Variants in MGST2 observed in about 807,000 individuals in gnomAD.
MGST2 encodes microsomal glutathione S-transferase 2, also known as glutathione peroxidase MGST2.
MGST2 carries 9 observed loss-of-function variants against 16.6 expected under a neutral mutation model. The ratio of observed to expected loss-of-function variants is 0.54; its 90% CI spans 0.33 to 0.95. MGST2 has a LOEUF of 0.95. Among genes scored for constraint, MGST2 ranks in the 40% least tolerant of loss-of-function variants. The pLI is 0.03. For synonymous variants in MGST2, 79 were observed against 68.0 expected (o/e 1.16, Z -0.79); for missense variants, 159 against 175.1 (o/e 0.91, Z 0.52).
chr4:139,727,221 C>A (rs1242449349), intron 5 of MGST2, among the ~76,000 whole-genome samples: 2 of 152,190 alleles, frequency 1.3e-5, no homozygotes, highest in Admixed American at 1.3e-4. Flanking sequence ...GACTCGTTGA[C>A]CCCATCCCAT....
At chr4:139,693,313 G>A (rs1372014720) in intron 2 of MGST2, among the ~76,000 whole-genome samples, 1 of 151,266 alleles carries the variant, frequency 6.6e-6, no homozygotes, top group Non-Finnish European at 1.5e-5. Context: ...GCTGGGGCAG[G>A]AGAATGGCGT....
chr4:139,676,108 A>C (rs1353855230), intron 1 of MGST2, among the ~76,000 whole-genome samples: 1 of 152,128 alleles, frequency 6.6e-6, no homozygotes, highest in Non-Finnish European at 1.5e-5. Context: ...TTATGTCACT[A>C]TAGATTCATT....
chr4:139,720,391 G>T, intron 5 of MGST2: 2 of 1,404,792 alleles, frequency 1.4e-6, no homozygotes, highest in South Asian at 1.7e-5. Flanking sequence ...ACAAGATGTT[G>T]GAATTTTCTT....
chr4:139,730,513 TC>T, intron 5 of MGST2: 1 of 1,559,544 alleles, frequency 6.4e-7, no homozygotes, highest in Non-Finnish European at 8.7e-7. Flanking sequence ...GGCCCGCTGA[TC>T]AATGAGCATC....
downstream of MGST2, among the ~76,000 whole-genome samples, chr4:139,706,103 A>G (rs1311135249): frequency 6.6e-6 from 1 of 152,218 alleles, no homozygotes; most frequent in African/African-American, 2.4e-5. Flanking sequence ...AAAAAGAAAG[A>G]GAGACACTTA....
At chr4:139,687,209 A>G (rs779199742) in intron 2 of MGST2, among the ~76,000 whole-genome samples, 1 of 152,242 alleles carries the variant, frequency 6.6e-6, no homozygotes, top group Non-Finnish European at 1.5e-5. Context: ...GAGCCAGGAA[A>G]TACTTTGAGC....
chr4:139,720,186 C>T, intron 5 of MGST2: 2 of 1,614,022 alleles, frequency 1.2e-6, no homozygotes, highest in Non-Finnish European at 1.7e-6. Flanking sequence ...TCCGACTGCG[C>T]AGCTGCGGTG....
chr4:139,693,257 T>C (rs1726716397), intron 2 of MGST2, among the ~76,000 whole-genome samples: 4 of 150,618 alleles, frequency 2.7e-5, no homozygotes, highest in South Asian at 2.1e-4. Flanking sequence ...TACAAAAAAT[T>C]AGCCGGGCGC....
intron 3 of MGST2, among the ~76,000 whole-genome samples, chr4:139,700,024 C>G (rs1243393223): frequency 6.6e-6 from 1 of 151,804 alleles, no homozygotes; most frequent in Non-Finnish European, 1.5e-5. Context: ...AGAGTGAGAC[C>G]CTGTCTCAAA....
rs1392021210 is a variant in MGST2 at position 139,665,872 on chromosome 4, C to T, written c.-148C>T. 1.3e-6 allele frequency: 1 copy of T among 779,404 alleles called. No homozygotes were observed. Among genetic ancestry groups the T allele is most frequent in the Admixed American group, 2.0e-5 (1 of 49,824 alleles). 48.3% of individuals were successfully genotyped at this position (779,404 alleles called of 1,614,324 possible). ...CCTGCCTGCCTTCCTGACTTCTGTTCCAGAGCAAAGGTCATTCAGCCGCTT... is the reference window on the plus strand; with the variant it reads ...CCTGCCTGCCTTCCTGACTTCTGTTTCAGAGCAAAGGTCATTCAGCCGCTT... On this transcript the variant is annotated 5_prime_UTR_variant, in exon 1 of 5. Coordinates refer to ENST00000265498, the MANE Select transcript of MGST2 (RefSeq NM_002413.5).
intron 2 of MGST2, among the ~76,000 whole-genome samples, chr4:139,685,824 C>T (rs1418975719): frequency 5.9e-5 from 9 of 152,120 alleles, no homozygotes; most frequent in African/African-American, 9.7e-5. Context: ...CCACCACACC[C>T]GGCTAATTTT....
chr4:139,702,317 G>A (rs1159492776), intron 3 of MGST2, among the ~76,000 whole-genome samples: 1 of 152,134 alleles, frequency 6.6e-6, no homozygotes, highest in Non-Finnish European at 1.5e-5. Context: ...CCCAGAAAGT[G>A]TCCTCCTGCT....
At chr4:139,674,086 G>A (rs968607903) in intron 1 of MGST2, among the ~76,000 whole-genome samples, 3 of 152,182 alleles carry the variant, frequency 2.0e-5, no homozygotes, top group Non-Finnish European at 2.9e-5. Context: ...AAGCTAAAAA[G>A]TATCTGAGAC....
intron 3 of MGST2, chr4:139,698,580 C>G (rs1358585236): frequency 1.4e-5 from 11 of 792,754 alleles, no homozygotes; most frequent in East Asian, 5.2e-5. Flanking sequence ...TTACTTACCC[C>G]CCTTCTCCTT....
rs578214903 is a variant in MGST2, at chr4:139,666,390, C to G, written c.58+313C>G. The stretch of plus-strand genomic sequence containing the variant: ...GATTACGACCCACAGCCCGTTCAAA[C>G]GAGCGTTAGTAGCCTGCTAACCTGC... On this transcript the variant is annotated intron_variant, in intron 1 of 4. Coordinates refer to ENST00000265498, the MANE Select transcript of MGST2 (RefSeq NM_002413.5). Among the ~76,000 whole-genome samples, 28 of 152,216 alleles carry G rather than the reference C, an allele frequency of 1.8e-4. No homozygotes were observed. The South Asian group carries it at 5.6e-3, about 30-fold the overall frequency.
intron 5 of MGST2, chr4:139,730,473 G>T: frequency 6.4e-7 from 1 of 1,552,870 alleles, no homozygotes; most frequent in Non-Finnish European, 8.7e-7. Flanking sequence ...GCTCCCGCAG[G>T]AACTGTTGCT....
intron 5 of MGST2, chr4:139,720,140 CTGGTAGGCG>C (rs1488678533): frequency 6.2e-7 from 1 of 1,613,954 alleles, no homozygotes; most frequent in African/African-American, 1.3e-5. Context: ...TCCTGGTTGG[CTGGTAGGCG>C]TGGTGCTATA....
intron 5 of MGST2, among the ~76,000 whole-genome samples, chr4:139,727,424 C>T (rs576277868): frequency 7.9e-5 from 12 of 152,322 alleles, no homozygotes; most frequent in South Asian, 6.2e-4. Flanking sequence ...GTCCCACTTA[C>T]GACTAGGAAT....
chr4:139,698,574 T>C, intron 3 of MGST2: 1 of 778,618 alleles, frequency 1.3e-6, no homozygotes, highest in East Asian at 2.6e-5. Flanking sequence ...ACCTCCTTAC[T>C]TACCCCCCTT....
Sources: gnomAD v4.1 joint callset for allele counts (sites outside exome capture counted in the v4.1 genomes callset) on GRCh38, gnomAD v4.1.1 for gene constraint, MANE v1.5 for transcripts, NCBI Gene and HGNC (gene_info 2026-07-23, HGNC 2026-07-21) for gene names.